SERINC5: variants seen among roughly 807,000 people sequenced by gnomAD.
SERINC5 encodes serine incorporator 5.
In SERINC5, 41 loss-of-function variants were observed where a neutral mutation model predicts 63.1. The observed-to-expected ratio is 0.65, with a 90% CI of 0.51 to 0.84. The LOEUF (loss-of-function observed/expected upper bound fraction) is 0.84, where lower values mean the gene tolerates loss of function less well. Ranked by LOEUF, SERINC5 falls within the 40% of genes least tolerant of loss-of-function variation. The pLI is 0.00. For missense variants in SERINC5, 523 were observed against 573.0 expected (o/e 0.91, Z 0.89); for synonymous variants, 222 against 215.2 (o/e 1.03, Z -0.28).
chr5:80,178,486 C>G (rs1169379321), intron 2 of SERINC5, among the ~76,000 whole-genome samples: 1 of 150,482 alleles, frequency 6.6e-6, no homozygotes, highest in African/African-American at 2.5e-5. Context: ...CCTCAGCCTC[C>G]CAATTAGCTG....
At chr5:80,174,858 A>T in intron 5 of SERINC5, 96 bp downstream of exon 5, 1 of 765,640 alleles carries the variant, frequency 1.3e-6, no homozygotes, top group Non-Finnish European at 2.1e-6. Flanking sequence ...AAGGGAAACA[A>T]AACTGCAAAT....
intron 3 of SERINC5, 68 bp from the exon 4 acceptor site, chr5:80,177,465 T>G: frequency 8.1e-7 from 1 of 1,229,972 alleles, no homozygotes; most frequent in Non-Finnish European, 1.2e-6. Context: ...AAGGACCTCG[T>G]AGAAGGTACA....
Position 80,249,315 on chromosome 5 carries a change from C to T in SERINC5, c.27+6581G>A, listed in dbSNP as rs1258735918. On this transcript the variant is annotated intron_variant, in intron 1 of 11. Coordinates refer to ENST00000507668, the MANE Select transcript of SERINC5 (RefSeq NM_001174072.3). Reference sequence around the variant, plus strand: ...GGGCAACACAGCGAGACTCTGTCTCCAAAAAAAAAAAGAAACCATCAAGTT... The same window carrying T: ...GGGCAACACAGCGAGACTCTGTCTCTAAAAAAAAAAAGAAACCATCAAGTT... Among the ~76,000 whole-genome samples, 3 of 123,596 alleles carry T rather than the reference C, an allele frequency of 2.4e-5. No individual in the cohort carries two copies. The South Asian group carries it at 7.8e-4, about 32-fold the overall frequency. The allele number at this position is 123,596 out of a possible 152,430, so 81.1% of individuals were successfully genotyped here. A position where few individuals can be genotyped will look rare whatever the true frequency, so the allele number is the denominator to read the frequency against.
intron 2 of SERINC5, among the ~76,000 whole-genome samples, chr5:80,196,141 G>GAA (rs1216417592): frequency 6.6e-6 from 1 of 152,096 alleles, no homozygotes; most frequent in Non-Finnish European, 1.5e-5. Context: ...GGGGATGCAG[G>GAA]AAGAAAGAAT....
chr5:80,173,470 A>C (rs375266242), intron 5 of SERINC5, among the ~76,000 whole-genome samples: 35 of 152,186 alleles, frequency 2.3e-4, no homozygotes, highest in East Asian at 1.2e-3. Context: ...GTGGCAGGCG[A>C]CTGTAGTCCC....
At chr5:80,120,219 C>G (rs539282489) in intron 11 of SERINC5, among the ~76,000 whole-genome samples, 1 of 152,188 alleles carries the variant, frequency 6.6e-6, no homozygotes, top group Non-Finnish European at 1.5e-5. Context: ...TTTCCCAGCA[C>G]CCTTTGCAGC....
chr5:80,176,656 C>T (rs1044323373), intron 4 of SERINC5, among the ~76,000 whole-genome samples: 3 of 152,092 alleles, frequency 2.0e-5, no homozygotes, highest in East Asian at 1.9e-4. Context: ...TGGTCTCAGA[C>T]GAACTCCTGG....
intron 1 of SERINC5, among the ~76,000 whole-genome samples, chr5:80,215,014 C>T (rs995389322): frequency 3.3e-5 from 5 of 152,124 alleles, no homozygotes; most frequent in African/African-American, 7.2e-5. Context: ...TAAACCAATA[C>T]TTGGTAGAAT....
rs1745544156 is a variant in SERINC5 at position 80,142,109 on chromosome 5, CACTT to C, written c.*1550_*1553del. ...GCTGAGCCTTTTATTCTTAGATCCT[CACTT>C]ACAGAGAGCTCGAGAAGATTCTTTC... On this transcript the variant is annotated 3_prime_UTR_variant, in exon 12 of 12. Transcript: ENST00000507668. The C allele has an allele frequency of 3.0e-6, 3 of 985,428 alleles. No individual in the cohort carries two copies. The highest frequency in any genetic ancestry group is 2.4e-6 in the Non-Finnish European group (2 of 829,938). The allele number at this position is 985,428 out of a possible 1,614,324, so 61.0% of individuals were successfully genotyped here. A position where few individuals can be genotyped will look rare whatever the true frequency, so the allele number is the denominator to read the frequency against.
Position 80,142,266 on chromosome 5 carries a change from A to G in SERINC5, c.*1397T>C, listed in dbSNP as rs949350749. On this transcript the variant is annotated 3_prime_UTR_variant, in exon 12 of 12. Coordinates refer to ENST00000507668, the MANE Select transcript of SERINC5 (RefSeq NM_001174072.3). ...AGTCACGTTTCTGTATTACTTTGCA[A>G]GTACGTATTTTGGAAATTCCTGTGC... 7.2e-5 allele frequency: 71 copies of G among 985,286 alleles called. No individual in the cohort carries two copies. The highest frequency in any genetic ancestry group is 8.6e-5 in the Non-Finnish European group (71 of 829,946). 61.0% of individuals were successfully genotyped at this position (985,286 alleles called of 1,614,324 possible).
At chr5:80,118,495 T>C (rs1029736137) in intron 11 of SERINC5, among the ~76,000 whole-genome samples, 1 of 152,122 alleles carries the variant, frequency 6.6e-6, no homozygotes, top group Non-Finnish European at 1.5e-5. Flanking sequence ...TATGTCCTCA[T>C]TGCGGAAGGG....
At chr5:80,178,198 A>G (rs1177200276) in intron 2 of SERINC5, 134 bp from the exon 3 acceptor site, 1 of 539,060 alleles carries the variant, frequency 1.9e-6, no homozygotes, top group Middle Eastern at 2.9e-4. Flanking sequence ...CTGAGGATCT[A>G]TCTTCTAAAG....
intron 1 of SERINC5, among the ~76,000 whole-genome samples, chr5:80,226,101 C>A (rs746511532): frequency 1.3e-5 from 2 of 152,064 alleles, no homozygotes; most frequent in Non-Finnish European, 2.9e-5. Flanking sequence ...TCTGTCCCCC[C>A]AGGTTGGAGT....
At chr5:80,163,196 A>G (rs1241197195) in intron 7 of SERINC5, among the ~76,000 whole-genome samples, 2 of 152,266 alleles carry the variant, frequency 1.3e-5, no homozygotes, top group South Asian at 2.1e-4. Flanking sequence ...GTATACTGCA[A>G]TATTACTGAA....
chr5:80,210,261 T>C (rs898953109), intron 1 of SERINC5, among the ~76,000 whole-genome samples: 3 of 152,110 alleles, frequency 2.0e-5, no homozygotes, highest in Admixed American at 2.0e-4. Context: ...AGGAGGTGCT[T>C]TGTCCTTGCC....
chr5:80,173,033 T>G (rs1030359869), intron 5 of SERINC5, among the ~76,000 whole-genome samples: 1 of 152,084 alleles, frequency 6.6e-6, no homozygotes. Flanking sequence ...GCTAACTTCC[T>G]GATATTGACA....
At chr5:80,197,567 T>C (rs1749589761) in intron 2 of SERINC5, among the ~76,000 whole-genome samples, 1 of 152,154 alleles carries the variant, frequency 6.6e-6, no homozygotes, top group Non-Finnish European at 1.5e-5. Flanking sequence ...TCTATGGCTC[T>C]TCCTACATTG....
intron 2 of SERINC5, among the ~76,000 whole-genome samples, chr5:80,201,832 G>C (rs1749856104): frequency 2.0e-5 from 3 of 152,264 alleles, no homozygotes; most frequent in Admixed American, 2.0e-4. Flanking sequence ...CAAGTAACCT[G>C]TCCAGAAAGG....
intron 9 of SERINC5, among the ~76,000 whole-genome samples, chr5:80,148,472 G>T (rs1384666776): frequency 6.6e-6 from 1 of 151,940 alleles, no homozygotes; most frequent in Non-Finnish European, 1.5e-5. Context: ...TTACAGCCGT[G>T]AGCCACTGCA....
Sources: allele counts gnomAD v4.1 joint callset (sites outside exome capture counted in the v4.1 genomes callset), GRCh38; gene constraint gnomAD v4.1.1; transcripts MANE v1.5; gene names NCBI Gene and HGNC (gene_info 2026-07-23, HGNC 2026-07-21).